The following SEC24D variants were observed in gnomAD, a reference collection of about 807,000 sequenced individuals.
SEC24D encodes protein transport protein Sec24D.
SEC24D carries 69 observed loss-of-function variants against 116.9 expected under a neutral mutation model. The ratio of observed to expected loss-of-function variants is 0.59; its 90% confidence interval spans 0.49 to 0.72. SEC24D has a LOEUF of 0.72. Among genes scored for constraint, SEC24D ranks in the 30% least tolerant of loss-of-function variants. The pLI, the probability that SEC24D is intolerant of heterozygous loss-of-function variation, is 0.00. For synonymous variants in SEC24D, 405 were observed against 442.8 expected (o/e 0.91, Z 1.07); for missense variants, 1,131 against 1,264.1 (o/e 0.89, Z 1.60).
intron 3 of SEC24D, among the ~76,000 whole-genome samples, chr4:118,819,486 G>C (rs1384801995): frequency 2.1e-5 from 3 of 141,030 alleles, no homozygotes; most frequent in East Asian, 2.1e-4. Flanking sequence ...AGCCAAGATC[G>C]CGCCACTGCA....
At chr4:118,823,292 G>A (rs547536436) in intron 3 of SEC24D, among the ~76,000 whole-genome samples, 11 of 152,292 alleles carry the variant, frequency 7.2e-5, no homozygotes, top group African/African-American at 2.6e-4. Context: ...ACCGGCAAAT[G>A]TCATGTTATC....
At chr4:118,825,483 C>A (rs112827703) in intron 2 of SEC24D, 90 of 445,196 alleles carry the variant, frequency 2.0e-4, no homozygotes, top group African/African-American at 1.6e-3. Context: ...ACATTTCTCT[C>A]TTTTCTTCTT....
At chr4:118,766,082 T>C (rs1016120980) in intron 9 of SEC24D, among the ~76,000 whole-genome samples, 2 of 152,228 alleles carry the variant, frequency 1.3e-5, no homozygotes, top group African/African-American at 4.8e-5. Flanking sequence ...TTAGAATGCA[T>C]AGTACAGTAG....
intron 7 of SEC24D, among the ~76,000 whole-genome samples, chr4:118,802,917 G>A (rs1430109117): frequency 6.6e-6 from 1 of 152,158 alleles, no homozygotes; most frequent in Non-Finnish European, 1.5e-5. Flanking sequence ...GCCTTAAAAA[G>A]GAATGAAATT....
Position 118,815,546 on chromosome 4 carries a change from G to A in SEC24D, c.578C>T (p.Pro193Leu), listed in dbSNP as rs6844109. Reference sequence around the variant, plus strand: ...AGGAGGAGGCCCAGAGAGCCCATCTGGTCTGTACATTGGTAGAGGCAAAGG... The same window carrying A: ...AGGAGGAGGCCCAGAGAGCCCATCTAGTCTGTACATTGGTAGAGGCAAAGG... ...ASPLPLPMYR[P>L]DGLSGPPPPN... Residue 193 changes from proline to leucine, a missense_variant, in exon 5 of 23, where the codon CCA (proline) becomes CTA (leucine). Coordinates refer to ENST00000280551, the MANE Select transcript of SEC24D (RefSeq NM_014822.4). 1.7e-3 allele frequency: 2,822 copies of A among 1,614,144 alleles called. 17 individuals carry two copies. Among genetic ancestry groups the A allele is most frequent in the African/African-American group, 0.017 (1,243 of 75,036 alleles).
chr4:118,779,993 TTTC>T (rs1157572238), intron 8 of SEC24D, among the ~76,000 whole-genome samples: 11 of 152,160 alleles, frequency 7.2e-5, no homozygotes, highest in African/African-American at 2.4e-4. Context: ...TCTTCTCTCT[TTTC>T]TTCTTTATTA....
chr4:118,788,053 A>C (rs1156319226), intron 8 of SEC24D, among the ~76,000 whole-genome samples: 1 of 152,210 alleles, frequency 6.6e-6, no homozygotes, highest in African/African-American at 2.4e-5. Context: ...TCCTGGCCTC[A>C]AGTGATTCTC....
At chr4:118,810,366 T>C (rs1425656437) in intron 6 of SEC24D, among the ~76,000 whole-genome samples, 1 of 151,858 alleles carries the variant, frequency 6.6e-6, no homozygotes, top group African/African-American at 2.4e-5. Flanking sequence ...ACAGGATGAA[T>C]AGACAAGGTA....
intron 6 of SEC24D, among the ~76,000 whole-genome samples, chr4:118,810,423 A>G (rs1729871816): frequency 1.3e-5 from 2 of 152,208 alleles, no homozygotes; most frequent in Non-Finnish European, 2.9e-5. Context: ...TGTGCAAGAA[A>G]GGAAGAATCA....
Position 118,817,146 on chromosome 4 carries a change from A to T in SEC24D, c.397+118T>A. The T allele has an allele frequency of 5.0e-6, 4 of 800,726 alleles. No homozygotes were observed. In the Admixed American group the frequency reaches 8.1e-5, roughly 16 times the overall value. 49.6% of individuals were successfully genotyped at this position (800,726 alleles called of 1,614,324 possible). Reference sequence around the variant, plus strand: ...ATGCTTTATTATTAAAAATGTCCAAATACTACTTCAACACAGTATGCCCTA... The same window carrying T: ...ATGCTTTATTATTAAAAATGTCCAATTACTACTTCAACACAGTATGCCCTA... On this transcript the variant is annotated intron_variant, in intron 4 of 22. Coordinates refer to ENST00000280551, the MANE Select transcript of SEC24D (RefSeq NM_014822.4).
intron 11 of SEC24D, among the ~76,000 whole-genome samples, chr4:118,755,014 A>C (rs1727017959): frequency 6.6e-6 from 1 of 152,156 alleles, no homozygotes; most frequent in African/African-American, 2.4e-5. Flanking sequence ...ACGGGAAAGG[A>C]GTATCCTGGG....
At chr4:118,742,757 G>A (rs1285924105) in intron 15 of SEC24D, among the ~76,000 whole-genome samples, 3 of 152,092 alleles carry the variant, frequency 2.0e-5, no homozygotes, top group Non-Finnish European at 4.4e-5. Flanking sequence ...ATGCCTCCAC[G>A]CCTGCCCAGG....
intron 9 of SEC24D, among the ~76,000 whole-genome samples, 182 bp from the exon 10 acceptor site, chr4:118,765,099 G>T (rs1468293338): frequency 1.3e-5 from 2 of 152,192 alleles, no homozygotes; most frequent in African/African-American, 4.8e-5. Context: ...AAAGAGGAGG[G>T]TTCTTATTCT....
At chr4:118,797,464 A>G (rs1446891276) in intron 8 of SEC24D, among the ~76,000 whole-genome samples, 1 of 152,242 alleles carries the variant, frequency 6.6e-6, no homozygotes, top group Admixed American at 6.5e-5. Context: ...TACGCCAAAA[A>G]GTGACGCAGT....
chr4:118,766,715 C>G (rs1727660714), intron 9 of SEC24D: 4 of 152,212 alleles, frequency 2.6e-5, no homozygotes, highest in African/African-American at 9.7e-5. Flanking sequence ...TCTAAGAAAG[C>G]TGGGGGCTTG....
intron 2 of SEC24D, among the ~76,000 whole-genome samples, chr4:118,825,852 A>C (rs943966873): frequency 6.6e-6 from 1 of 152,128 alleles, no homozygotes; most frequent in African/African-American, 2.4e-5. Flanking sequence ...ATAGTATTTC[A>C]TATTAACATT....
chr4:118,770,451 A>G (rs1727846865), intron 8 of SEC24D, among the ~76,000 whole-genome samples: 1 of 152,214 alleles, frequency 6.6e-6, no homozygotes, highest in Non-Finnish European at 1.5e-5. Flanking sequence ...ACAATTACCA[A>G]TCATGACTCC....
intron 3 of SEC24D, among the ~76,000 whole-genome samples, chr4:118,822,790 C>T (rs989693047): frequency 3.6e-4 from 54 of 151,938 alleles, no homozygotes; most frequent in African/African-American, 1.3e-3. Context: ...CCCAGGCTGT[C>T]TCGAACTCCT....
intron 11 of SEC24D, among the ~76,000 whole-genome samples, chr4:118,756,364 T>A (rs1274543425): frequency 6.6e-6 from 1 of 152,274 alleles, no homozygotes; most frequent in African/African-American, 2.4e-5. Flanking sequence ...TCATTCTTCA[T>A]TTTAGAATTT....
Sources: gnomAD v4.1 joint callset for allele counts (sites outside exome capture counted in the v4.1 genomes callset) on GRCh38, gnomAD v4.1.1 for gene constraint, MANE v1.5 for transcripts, NCBI Gene and HGNC (gene_info 2026-07-23, HGNC 2026-07-21) for gene names.